Variants in EVPLL observed in about 807,000 individuals in gnomAD.
EVPLL encodes the protein envoplakin-like protein.
EVPLL carries 39 observed loss-of-function variants against 46.2 expected under a neutral mutation model. The observed-to-expected ratio is 0.84, with a 90% CI of 0.65 to 1.10. The LOEUF is 1.10. EVPLL is among the 50% of genes least tolerant of loss of function. The pLI, the probability that EVPLL is intolerant of heterozygous loss-of-function variation, is 0.00. For synonymous variants in EVPLL, 156 were observed against 165.8 expected (o/e 0.94, Z 0.46); for missense variants, 385 against 412.6 (o/e 0.93, Z 0.58).
intron 9 of EVPLL, among the ~76,000 whole-genome samples, chr17:18,385,307 G>C: frequency 1.1e-5 from 1 of 91,066 alleles, no homozygotes; most frequent in Non-Finnish European, 2.4e-5. Context: ...TGGCTCCACT[G>C]AACGCTGCCC....
In EVPLL at chr17:18,381,739, CTCAA is replaced by C. The variant is rs760430927; in HGVS notation, c.346+10_346+13del. 10 of 1,614,010 alleles carry C rather than the reference CTCAA, an allele frequency of 6.2e-6. No individual in the cohort carries two copies. The highest frequency in any genetic ancestry group is 1.6e-4 in the Middle Eastern group (1 of 6,064). Reference sequence around the variant, plus strand: ...TGCTGGAGCAGAAACAGGTCAGGAGCTCAAAGTCACACCCCAGTGTGATCAGAGG... The same window carrying C: ...TGCTGGAGCAGAAACAGGTCAGGAGCAGTCACACCCCAGTGTGATCAGAGG... On this transcript the variant is annotated intron_variant, in intron 4 of 10. Transcript: ENST00000399134. This position sits in a 1 kb window ranked among gnomAD's most constrained non-coding sequence, Gnocchi z 4.2.
intron 9 of EVPLL, among the ~76,000 whole-genome samples, chr17:18,387,422 G>A (rs796077689): frequency 1.5e-5 from 2 of 135,028 alleles, no homozygotes; most frequent in Non-Finnish European, 3.3e-5. Context: ...GGCCTCCCTG[G>A]TGCCACCTGG....
In EVPLL at chr17:18,382,640, T is replaced by A. The variant is rs545573240; in HGVS notation, c.472+2T>A. On this transcript the variant is annotated splice_donor_variant, in intron 5 of 10. Coordinates refer to ENST00000399134, the MANE Select transcript of EVPLL (RefSeq NM_001145127.2). LOFTEE classifies it high-confidence loss of function. ...CAGCTGCGGAGCCTGGTGGGGCCGGTGGGTGAGCCGGGAAGATGTTACATC... is the reference window on the plus strand; with the variant it reads ...CAGCTGCGGAGCCTGGTGGGGCCGGAGGGTGAGCCGGGAAGATGTTACATC... The A allele has an allele frequency of 2.6e-6, 4 of 1,551,412 alleles. No individual in the cohort carries two copies. The African/African-American group carries it at 5.5e-5, about 21-fold the overall frequency.
intron 9 of EVPLL, chr17:18,387,974 C>T: frequency 6.0e-6 from 1 of 167,994 alleles, no homozygotes; most frequent in Non-Finnish European, 1.3e-5. Context: ...TTTTGGGCCA[C>T]TGCACTTCAG....
Position 18,382,649 on chromosome 17 carries a change from C to G in EVPLL, c.472+11C>G, listed in dbSNP as rs1233985105. 3 of 1,548,964 alleles carry G rather than the reference C, an allele frequency of 1.9e-6. No individual in the cohort carries two copies. In the African/African-American group the frequency reaches 4.1e-5, roughly 21 times the overall value. On this transcript the variant is annotated intron_variant, in intron 5 of 10. Coordinates refer to ENST00000399134, the MANE Select transcript of EVPLL (RefSeq NM_001145127.2). ...AGCCTGGTGGGGCCGGTGGGTGAGC[C>G]GGGAAGATGTTACATCCGGGGCCAG...
Position 18,377,835 on chromosome 17 carries a change from C to T in EVPLL, c.-185C>T, listed in dbSNP as rs1987431046. On this transcript the variant is annotated 5_prime_UTR_variant, in exon 1 of 11. Transcript: ENST00000399134. ...CCGCTGCCTCCCACCTGCCCTCCTG[C>T]CCTCCTTCACCAGCCAAGCCCAGCC... is the stretch of plus-strand genomic sequence containing the variant. The T allele has an allele frequency of 2.8e-6, 2 of 713,710 alleles. No individual in the cohort carries two copies. Among genetic ancestry groups the T allele is most frequent in the Non-Finnish European group, 4.7e-6 (2 of 429,560 alleles). The allele number at this position is 713,710 out of a possible 1,614,324, so 44.2% of individuals were successfully genotyped here.
chr17:18,381,427 C>A lies in EVPLL; in HGVS notation c.124C>A (p.Leu42Met), dbSNP rs751745773. ...GCACCAGCAGGAGACGGGCAGCAGC[C>A]TGAAGGAGGCCGAGGTGCTGCTCAA... ...LQHQQETGSS[L>M]KEAEVLLKDL... is the part of the protein sequence containing the mutation. The change falls in exon 3 of 11, where the codon CTG becomes ATG. Residue 42 changes from leucine (L) to methionine (M), a missense_variant. By Grantham distance (15) the Leu-to-Met change is conservative (BLOSUM62 2). Transcript: ENST00000399134. The surrounding 1 kb of genome is among the most constrained non-coding windows in gnomAD (Gnocchi z 4.2). 1 of 1,610,490 alleles carries A rather than the reference C, an allele frequency of 6.2e-7. No individual in the cohort carries two copies. Among genetic ancestry groups the A allele is most frequent in the East Asian group, 2.2e-5 (1 of 44,610 alleles).
Position 18,381,375 on chromosome 17 carries a change from G to T in EVPLL, c.72G>T (p.Leu24=). The change falls in exon 3 of 11, where the codon CTG becomes CTT. Residue 24 remains leucine (L), a synonymous_variant. Transcript: ENST00000399134. This position sits in a 1 kb window ranked among gnomAD's most constrained non-coding sequence, Gnocchi z 4.2. The stretch of plus-strand genomic sequence containing the variant: ...CCATCCCCTGCCCACAGGACCGGCT[G>T]AACAGTGAGCAGAGCCAGGCCCTGC... The part of the protein sequence containing the change: ...ETQKRLQQDR[L]NSEQSQALQH... The T allele has an allele frequency of 6.4e-7, 1 of 1,569,596 alleles. No homozygotes were observed. Among genetic ancestry groups the T allele is most frequent in the South Asian group, 1.2e-5 (1 of 86,654 alleles).
In EVPLL at chr17:18,381,236, G is replaced by A; in HGVS notation, c.64-131G>A. 7.1e-7 allele frequency: 1 copy of A among 1,410,460 alleles called. No homozygotes were observed. 87.4% of individuals were successfully genotyped at this position (1,410,460 alleles called of 1,614,324 possible). On this transcript the variant is annotated intron_variant, in intron 2 of 10. Coordinates refer to ENST00000399134, the MANE Select transcript of EVPLL (RefSeq NM_001145127.2). This position sits in a 1 kb window ranked among gnomAD's most constrained non-coding sequence, Gnocchi z 4.2. ...TCATGGACGCCCTGGGCCTGACCCT[G>A]TGCCTGGCGTGGGCCTCGAGGTTGG... is the stretch of plus-strand genomic sequence containing the variant.
Position 18,381,570 on chromosome 17 carries a change from C to T in EVPLL, c.219-33C>T. The T allele has an allele frequency of 1.9e-6, 3 of 1,613,808 alleles. No homozygotes were observed. The highest frequency in any genetic ancestry group is 2.5e-6 in the Non-Finnish European group (3 of 1,179,894). ...GGGGGTCCCTGGGGAAGACCCAGGCCCAGCCCTGACCTGCTGGCCACCTTC... is the reference window on the plus strand; with the variant it reads ...GGGGGTCCCTGGGGAAGACCCAGGCTCAGCCCTGACCTGCTGGCCACCTTC... On this transcript the variant is annotated intron_variant, in intron 3 of 10. Transcript: ENST00000399134. The surrounding 1 kb of genome is among the most constrained non-coding windows in gnomAD (Gnocchi z 4.2).
In EVPLL at chr17:18,381,140, C is replaced by T. The variant is rs1486772094; in HGVS notation, c.63+140C>T. The T allele has an allele frequency of 2.5e-6, 3 of 1,220,682 alleles. No individual in the cohort carries two copies. The African/African-American group carries it at 4.5e-5, about 18-fold the overall frequency. The allele number at this position is 1,220,682 out of a possible 1,614,324, so 75.6% of individuals were successfully genotyped here. A position where few individuals can be genotyped will look rare whatever the true frequency, so the allele number is the denominator to read the frequency against. ...GACATTTGTCCTGCACCGCCTGTCC[C>T]CTAACACACGGTGGGAGAGAGGGCT... On this transcript the variant is annotated intron_variant, in intron 2 of 10. Transcript: ENST00000399134. The surrounding 1 kb of genome is among the most constrained non-coding windows in gnomAD (Gnocchi z 4.2).
chr17:18,382,022 G>A (rs1227010876), intron 4 of EVPLL: 4 of 477,300 alleles, frequency 8.4e-6, no homozygotes, highest in African/African-American at 3.9e-5. Flanking sequence ...CCTAGGATTC[G>A]ATGGGAAGTG....
chr17:18,388,187 C>T (rs188351110), intron 9 of EVPLL, 32 bp from the exon 10 acceptor site: 4 of 1,325,926 alleles, frequency 3.0e-6, no homozygotes, highest in East Asian at 2.5e-5. Context: ...ACTCTTCTCC[C>T]CACCCATCTT....
intron 1 of EVPLL, among the ~76,000 whole-genome samples, chr17:18,378,383 A>G (rs1987451098): frequency 6.7e-6 from 1 of 149,734 alleles, no homozygotes; most frequent in Non-Finnish European, 1.5e-5. Flanking sequence ...TGACCCCTGG[A>G]GCCTGGGTGC....
At chr17:18,382,119 G>T in intron 4 of EVPLL, 1 of 361,260 alleles carries the variant, frequency 2.8e-6, no homozygotes, top group South Asian at 3.0e-5. Flanking sequence ...ACACAGAAGG[G>T]GTGTCATCAT....
At chr17:18,383,712 C>A in intron 9 of EVPLL, 125 bp downstream of exon 9, 1 of 836,288 alleles carries the variant, frequency 1.2e-6, no homozygotes, top group Non-Finnish European at 1.9e-6. Flanking sequence ...GTGGCTCACA[C>A]CTGTAATCCC....
intron 1 of EVPLL, among the ~76,000 whole-genome samples, chr17:18,378,329 G>A (rs1198368825): frequency 2.6e-5 from 4 of 152,126 alleles, no homozygotes; most frequent in Non-Finnish European, 4.4e-5. Flanking sequence ...GGAGAGCCTG[G>A]TTGTGTGACT....
At position 18,382,628 on chromosome 17, in the gene EVPLL, TGGTGGGGCC is replaced by T. The variant is rs1417514029; in HGVS notation, c.469_472+5del. The T allele has an allele frequency of 6.4e-7, 1 of 1,551,318 alleles. No homozygotes were observed. Among genetic ancestry groups the T allele is most frequent in the African/African-American group, 1.4e-5 (1 of 72,928 alleles). ...GACCAAGGAGAGCAGCTGCGGAGCC[TGGTGGGGCC>T]GGTGGGTGAGCCGGGAAGATGTTAC... On this transcript the variant is annotated inframe_deletion and splice_region_variant, in exon 5 of 11. Transcript: ENST00000399134.
chr17:18,383,839 G>A, intron 9 of EVPLL: 1 of 451,762 alleles, frequency 2.2e-6, no homozygotes, highest in Non-Finnish European at 4.0e-6. Flanking sequence ...TAGAGGTGGT[G>A]GCACGCGCCT....
Sources: gnomAD v4.1 joint callset for allele counts (sites outside exome capture counted in the v4.1 genomes callset) on GRCh38, gnomAD v4.1.1 for gene constraint, Gnocchi (gnomAD v3.1) non-coding constraint, MANE v1.5 for transcripts, NCBI Gene and HGNC (gene_info 2026-07-23, HGNC 2026-07-21) for gene names.